PNPLA3: variants seen among roughly 807,000 people sequenced by gnomAD.
The protein encoded by PNPLA3 is 1-acylglycerol-3-phosphate O-acyltransferase PNPLA3.
In PNPLA3, 42 loss-of-function variants were observed where a neutral mutation model predicts 43.1. The observed-to-expected ratio is 0.97, with a 90% CI of 0.76 to 1.26. PNPLA3 has a LOEUF of 1.26. Ranked by LOEUF, PNPLA3 falls within the 50% of genes most tolerant of loss-of-function variation. The pLI is 0.00. For missense variants in PNPLA3, 647 were observed against 621.4 expected (o/e 1.04, Z -0.44); for synonymous variants, 272 against 253.6 (o/e 1.07, Z -0.69).
chr22:43,932,097 G>A (rs1382968817), intron 3 of PNPLA3, among the ~76,000 whole-genome samples: 1 of 152,128 alleles, frequency 6.6e-6, no homozygotes, highest in Non-Finnish European at 1.5e-5. Flanking sequence ...TCTGATGGCT[G>A]GCTGTGATGG....
Position 43,934,601 on chromosome 22 carries a change from C to T in PNPLA3, c.697-5C>T. ...CTGTAGTCCCCTTGCTTGCTTTGCT[C>T]ACAGGTGCTGGGAGAGATATGCCTT... On this transcript the variant is annotated splice_polypyrimidine_tract_variant and splice_region_variant and intron_variant, in intron 4 of 8. Transcript: ENST00000216180. 5.0e-6 allele frequency: 8 copies of T among 1,613,166 alleles called. No homozygotes were observed. Among genetic ancestry groups the T allele is most frequent in the Non-Finnish European group, 6.8e-6 (8 of 1,179,216 alleles).
In PNPLA3 at chr22:43,946,139, C is replaced by T; in HGVS notation, c.1218-15C>T. On this transcript the variant is annotated splice_polypyrimidine_tract_variant and intron_variant, in intron 8 of 8. Transcript: ENST00000216180. The stretch of plus-strand genomic sequence containing the variant: ...CGGGAACGGCCTCTAAGCCAACTTC[C>T]TCCATGTGTTTCAGGTCCCAAATGC... 1 of 1,610,764 alleles carries T rather than the reference C, an allele frequency of 6.2e-7. No homozygotes were observed. The highest frequency in any genetic ancestry group is 8.5e-7 in the Non-Finnish European group (1 of 1,177,180).
rs149925560 is a variant in PNPLA3 at position 43,946,174 on chromosome 22, G to C, written c.1238G>C (p.Ser413Thr). The C allele has an allele frequency of 6.2e-6, 10 of 1,613,530 alleles. No homozygotes were observed. Among genetic ancestry groups the C allele is most frequent in the African/African-American group, 1.3e-5 (1 of 75,024 alleles). The part of the protein sequence containing the change: ...PASRSQMPVS[S>T]QQASPCTPEQ... The stretch of plus-strand genomic sequence containing the variant: ...TTCAGGTCCCAAATGCCAGTGAGCA[G>C]CCAACAGGCCTCCCCATGCACACCT... The change falls in exon 9 of 9, where the codon AGC becomes ACC. Residue 413 changes from serine (S) to threonine (T), a missense_variant. Physicochemically the swap from Ser to Thr is moderately conservative, Grantham distance 58 (BLOSUM62 1). Coordinates refer to ENST00000216180, the MANE Select transcript of PNPLA3 (RefSeq NM_025225.3).
intron 8 of PNPLA3, 141 bp from the exon 9 acceptor site, chr22:43,946,013 A>C: frequency 3.9e-6 from 3 of 773,104 alleles, no homozygotes; most frequent in Non-Finnish European, 6.5e-6. Context: ...GGGCTAGAAG[A>C]AGCTGTGTCT....
chr22:43,937,691 A>C (rs1170506817), intron 6 of PNPLA3, among the ~76,000 whole-genome samples: 1 of 151,990 alleles, frequency 6.6e-6, no homozygotes, highest in Non-Finnish European at 1.5e-5. Context: ...TATTACTCGG[A>C]GCTCCTTTTC....
intron 1 of PNPLA3, among the ~76,000 whole-genome samples, chr22:43,926,017 C>T: frequency 6.6e-6 from 1 of 152,362 alleles, no homozygotes; most frequent in South Asian, 2.1e-4. Context: ...GCAGGAGCCA[C>T]TCCCTGGGTT....
Position 43,946,967 on chromosome 22 carries a change from T to A in PNPLA3, c.*585T>A. ...CACCTTTTTCACCTAACTAAAATAATGTTTAAAGAGTTTTGTATAAAAATG... is the reference window on the plus strand; with the variant it reads ...CACCTTTTTCACCTAACTAAAATAAAGTTTAAAGAGTTTTGTATAAAAATG... On this transcript the variant is annotated 3_prime_UTR_variant, in exon 9 of 9. Transcript: ENST00000216180. 3.3e-6 allele frequency: 1 copy of A among 302,958 alleles called. No homozygotes were observed. Among genetic ancestry groups the A allele is most frequent in the Non-Finnish European group, 6.4e-6 (1 of 155,564 alleles). 18.8% of individuals were successfully genotyped at this position (302,958 alleles called of 1,614,324 possible).
chr22:43,927,838 C>A (rs2049935191), intron 2 of PNPLA3, among the ~76,000 whole-genome samples: 1 of 152,154 alleles, frequency 6.6e-6, no homozygotes, highest in African/African-American at 2.4e-5. Context: ...CAAACTCCTG[C>A]ACCCAAGTAA....
intron 3 of PNPLA3, among the ~76,000 whole-genome samples, chr22:43,931,019 CG>C (rs1011695768): frequency 6.6e-6 from 1 of 152,082 alleles, no homozygotes; most frequent in African/African-American, 2.4e-5. Context: ...CCCAGCTACT[CG>C]GGAGGCTGAG....
At chr22:43,929,777 A>G (rs1338509701) in intron 3 of PNPLA3, among the ~76,000 whole-genome samples, 2 of 151,704 alleles carry the variant, frequency 1.3e-5, no homozygotes, top group East Asian at 2.0e-4. Flanking sequence ...TTGTATTTTT[A>G]GTAGAGACAG....
intron 8 of PNPLA3, among the ~76,000 whole-genome samples, chr22:43,945,227 C>T (rs530458830): frequency 3.9e-5 from 6 of 152,306 alleles, no homozygotes; most frequent in African/African-American, 9.6e-5. Flanking sequence ...CAGAGCTCCT[C>T]GGAGCGTGTG....
Position 43,932,997 on chromosome 22 carries a change from T to C in PNPLA3, c.606T>C (p.Phe202=), listed in dbSNP as rs780148335. Residue 202 remains phenylalanine, a synonymous_variant, in exon 4 of 9, where the codon TTT becomes TTC. Coordinates refer to ENST00000216180, the MANE Select transcript of PNPLA3 (RefSeq NM_025225.3). ...DICPKVKSTN[F]LHVDITKLSL... is the part of the protein sequence containing the mutation. ...GCCCTAAAGTCAAGTCCACGAACTT[T>C]CTTCATGTGGACATCACCAAGCTCA... The C allele has an allele frequency of 6.2e-7, 1 of 1,614,174 alleles. No homozygotes were observed. The highest frequency in any genetic ancestry group is 1.1e-5 in the South Asian group (1 of 91,084).
rs1273151190 is a variant in PNPLA3, at chr22:43,940,043, A to C, written c.1030A>C (p.Asn344His). 1 of 1,614,010 alleles carries C rather than the reference A, an allele frequency of 6.2e-7. No individual in the cohort carries two copies. Among genetic ancestry groups the C allele is most frequent in the Non-Finnish European group, 8.5e-7 (1 of 1,179,960 alleles). Residue 344 changes from asparagine to histidine, a missense_variant, in exon 7 of 9, where the codon AAC becomes CAC. Coordinates refer to ENST00000216180, the MANE Select transcript of PNPLA3 (RefSeq NM_025225.3). ...DKGGYMSKIC[N>H]LLPIRIMSYV... ...AGGTGGATACATGAGCAAGATTTGC[A>C]ACTTGCTACCCATTAGGATAATGTC...
chr22:43,924,119 C>A (rs764418958), intron 1 of PNPLA3, 21 bp downstream of exon 1: 2 of 1,512,516 alleles, frequency 1.3e-6, no homozygotes, highest in Admixed American at 4.2e-5. Flanking sequence ...GGACGCTGCC[C>A]GGGCTCCACG....
At chr22:43,930,274 C>G (rs982000337) in intron 3 of PNPLA3, among the ~76,000 whole-genome samples, 3 of 152,182 alleles carry the variant, frequency 2.0e-5, no homozygotes, top group African/African-American at 7.2e-5. Flanking sequence ...GCACCCAGGT[C>G]ACTCTCTGCT....
chr22:43,924,943 C>T (rs1391290722), intron 1 of PNPLA3, among the ~76,000 whole-genome samples: 1 of 152,136 alleles, frequency 6.6e-6, no homozygotes, highest in African/African-American at 2.4e-5. Context: ...CCACTGCTCC[C>T]TGCTGCCTAC....
At chr22:43,924,365 C>A (rs1014425470) in intron 1 of PNPLA3, 4 of 460,220 alleles carry the variant, frequency 8.7e-6, no homozygotes, top group African/African-American at 8.2e-5. Flanking sequence ...CCATCAGGCG[C>A]CCGTGCATGA....
rs542966886 is a variant in PNPLA3, at chr22:43,937,065, C to A, written c.772C>A (p.Pro258Thr). 31 of 1,613,594 alleles carry A rather than the reference C, an allele frequency of 1.9e-5. No individual in the cohort carries two copies. The African/African-American group carries it at 4.0e-4, about 21-fold the overall frequency. The change falls in exon 6 of 9, where the codon CCC becomes ACC. Residue 258 changes from proline (P) to threonine (T), a missense_variant. By Grantham distance (38) the Pro-to-Thr change is conservative. Coordinates refer to ENST00000216180, the MANE Select transcript of PNPLA3 (RefSeq NM_025225.3). The stretch of plus-strand genomic sequence containing the variant: ...GCCCTTCACAGGCATCTGCAACAGG[C>A]CCCAGCCAGGCCTGAAGTCATCCTC... ...FLEEKGICNR[P>T]QPGLKSSSEG... is the part of the protein sequence containing the mutation.
chr22:43,936,452 G>C (rs78503500), intron 5 of PNPLA3, among the ~76,000 whole-genome samples: 3 of 152,256 alleles, frequency 2.0e-5, no homozygotes, highest in African/African-American at 7.2e-5. Context: ...AGCAAGGGCC[G>C]CTCACTGGTG....
Sources: gnomAD v4.1 joint callset for allele counts (sites outside exome capture counted in the v4.1 genomes callset) on GRCh38, gnomAD v4.1.1 for gene constraint, MANE v1.5 for transcripts, NCBI Gene and HGNC (gene_info 2026-07-23, HGNC 2026-07-21) for gene names.